The following PTRH1 variants were observed in gnomAD, a reference collection of about 807,000 sequenced individuals.
PTRH1 encodes the protein peptidyl-tRNA hydrolase 1 homolog.
In PTRH1, 13 loss-of-function variants were observed where a neutral mutation model predicts 15.7. That is an observed-to-expected ratio of 0.83 (90% CI 0.54 to 1.31). The LOEUF (loss-of-function observed/expected upper bound fraction) is 1.31. PTRH1 is among the 40% of genes most tolerant of loss of function. PTRH1 has a pLI of 0.00. For synonymous variants in PTRH1, 139 were observed against 136.7 expected (o/e 1.02, Z -0.12); for missense variants, 319 against 296.2 (o/e 1.08, Z -0.56).
At position 127,713,858 on chromosome 9, in the gene PTRH1, A is replaced by C. The variant is rs1397419461; in HGVS notation, c.*242T>G. On this transcript the variant is annotated 3_prime_UTR_variant, in exon 5 of 5. Transcript: ENST00000543175. ...GATGCGTGCCCCTGGTTCTCTAAAA[A>C]GGCTTGAAAAGTTTAGTCTTCCTGA... 1 of 1,613,842 alleles carries C rather than the reference A, an allele frequency of 6.2e-7. No individual in the cohort carries two copies. Among genetic ancestry groups the C allele is most frequent in the African/African-American group, 1.3e-5 (1 of 74,922 alleles).
downstream of PTRH1, chr9:127,713,105 C>T (rs1842806460): frequency 6.2e-7 from 1 of 1,613,434 alleles, no homozygotes; most frequent in African/African-American, 1.3e-5. Flanking sequence ...GGATCTAGGC[C>T]TGGTACCTCG....
chr9:127,712,047 C>A, downstream of PTRH1: 1 of 1,512,006 alleles, frequency 6.6e-7, no homozygotes, highest in Non-Finnish European at 8.9e-7. Context: ...CAGTGACTTC[C>A]CCTCTCTAGA....
At chr9:127,711,176 C>G (rs1588392592), downstream of PTRH1, 1 of 1,587,428 alleles carries the variant, frequency 6.3e-7, no homozygotes, top group East Asian at 2.3e-5. Context: ...GGGGTGTGCC[C>G]AGGGCTTGTG....
At position 127,695,080 on chromosome 9, in the gene PTRH1, A is replaced by ATGATGAT; in HGVS notation, c.260_266dup (p.His89GlnfsTer58). The ATGATGAT allele has an allele frequency of 2.9e-6, 2 of 700,936 alleles. No homozygotes were observed. The highest frequency in any genetic ancestry group is 5.2e-6 in the Non-Finnish European group (2 of 384,798). The allele number at this position is 700,936 out of a possible 1,614,324, so 43.4% of individuals were successfully genotyped here. A position where few individuals can be genotyped will look rare whatever the true frequency, so the allele number is the denominator to read the frequency against. On this transcript the variant is annotated frameshift_variant, in exon 2 of 3. Transcript: ENST00000335223. LOFTEE classifies it high-confidence loss of function. ...GATGATGATGATGATGATGATGATGATGATGATGATGATGGTGATGATGAT... is the reference window on the plus strand; with the variant it reads ...GATGATGATGATGATGATGATGATGATGATGATTGATGATGATGATGGTGATGATGAT...
chr9:127,701,910 G>A (rs1369746189), intron 1 of PTRH1, among the ~76,000 whole-genome samples: 2 of 148,492 alleles, frequency 1.3e-5, no homozygotes, highest in Non-Finnish European at 3.0e-5. Context: ...GTGAAACTCT[G>A]TCTCAAAAAA....
rs759710036 is a variant in PTRH1 at position 127,713,935 on chromosome 9, T to C, written c.*165A>G. 6.9e-6 allele frequency: 11 copies of C among 1,604,006 alleles called. No individual in the cohort carries two copies. The highest frequency in any genetic ancestry group is 9.4e-6 in the Non-Finnish European group (11 of 1,170,950). ...CAGAGAGAAGAACCTACTCCAGAAA[T>C]GGACTGGTCCAGTCACAGTCACCCC... On this transcript the variant is annotated 3_prime_UTR_variant, in exon 5 of 5. Coordinates refer to ENST00000543175, the MANE Select transcript of PTRH1 (RefSeq NM_001002913.3).
At position 127,715,558 on chromosome 9, in the gene PTRH1, C is replaced by T; in HGVS notation, c.82G>A (p.Gly28Arg). Residue 28 changes from glycine (G) to arginine (R), a missense_variant, in exon 1 of 5, where the codon GGG becomes AGG. Physicochemically the swap from Gly to Arg is moderately radical, Grantham distance 125. Transcript: ENST00000543175. The surrounding 1 kb of genome is among the most constrained non-coding windows in gnomAD (Gnocchi z 5.8). ...SRCVLEPRPP[G>R]KRWMVAGLGN... The stretch of plus-strand genomic sequence containing the variant: ...ACGCCACTCACCATCCACCGCTTCC[C>T]CGGGGGGCGAGGCTCCAAAACACAT... The T allele has an allele frequency of 3.1e-6, 5 of 1,613,560 alleles. No homozygotes were observed. The highest frequency in any genetic ancestry group is 3.4e-6 in the Non-Finnish European group (4 of 1,180,040).
intron 1 of PTRH1, among the ~76,000 whole-genome samples, chr9:127,708,739 A>G (rs1442148677): frequency 2.6e-5 from 4 of 152,244 alleles, no homozygotes; most frequent in African/African-American, 9.6e-5. Flanking sequence ...TTGACCACTC[A>G]GTGGGACAAG....
Position 127,713,957 on chromosome 9 carries a change from C to T in PTRH1, c.*143G>A, listed in dbSNP as rs143528313. On this transcript the variant is annotated 3_prime_UTR_variant, in exon 5 of 5. Coordinates refer to ENST00000543175, the MANE Select transcript of PTRH1 (RefSeq NM_001002913.3). ...AAATGGACTGGTCCAGTCACAGTCA[C>T]CCCCACTTTAATCCGCAGGCAGCCT... 17 of 1,585,624 alleles carry T rather than the reference C, an allele frequency of 1.1e-5. No individual in the cohort carries two copies. In the East Asian group the frequency reaches 2.7e-4, roughly 25 times the overall value.
At chr9:127,701,756 AAC>A (rs923446096) in intron 1 of PTRH1, among the ~76,000 whole-genome samples, 4 of 152,204 alleles carry the variant, frequency 2.6e-5, no homozygotes, top group Admixed American at 2.6e-4. Flanking sequence ...CTCCACTGAA[AAC>A]ACAAAATTAG....
At chr9:127,694,909 A>T in intron 2 of PTRH1, 1 of 689,908 alleles carries the variant, frequency 1.4e-6, no homozygotes, top group South Asian at 1.5e-5. Context: ...AGGAGCACAG[A>T]CTTCAGCATC....
intron 1 of PTRH1, among the ~76,000 whole-genome samples, chr9:127,704,833 C>T (rs997049167): frequency 6.6e-6 from 1 of 152,082 alleles, no homozygotes; most frequent in Non-Finnish European, 1.5e-5. Flanking sequence ...ACTGCAGCCT[C>T]GAATTCCTGG....
chr9:127,708,408 C>G (rs1393753285), intron 1 of PTRH1, among the ~76,000 whole-genome samples: 1 of 152,100 alleles, frequency 6.6e-6, no homozygotes, highest in African/African-American at 2.4e-5. Context: ...ACCTGGGAGG[C>G]AGAGGTTGCA....
At chr9:127,714,305 C>T (rs750185535) in intron 4 of PTRH1, 23 bp from the exon 5 acceptor site, 1 of 1,614,046 alleles carries the variant, frequency 6.2e-7, no homozygotes, top group Admixed American at 1.7e-5. Context: ...CAGAGAGGCC[C>T]AGGAAGCTTT....
chr9:127,715,667 C>T, upstream of PTRH1: 1 of 1,604,652 alleles, frequency 6.2e-7, no homozygotes, highest in Non-Finnish European at 8.5e-7. This position sits in a 1 kb window ranked among gnomAD's most constrained non-coding sequence, Gnocchi z 5.8. Context: ...CGACACCGCC[C>T]CCTGACGTCA....
intron 1 of PTRH1, among the ~76,000 whole-genome samples, chr9:127,703,471 AAG>A (rs774908191): frequency 7.6e-4 from 115 of 151,936 alleles, no homozygotes; most frequent in Non-Finnish European, 1.5e-3. Context: ...GAGAAAGAGA[AAG>A]AGAGAGAGGG....
chr9:127,707,722 G>T (rs745359203), intron 1 of PTRH1, among the ~76,000 whole-genome samples: 6 of 152,214 alleles, frequency 3.9e-5, no homozygotes, highest in Non-Finnish European at 7.3e-5. Flanking sequence ...GTGTGACATA[G>T]TGCTGGGGGG....
At chr9:127,704,894 G>A (rs575618616) in intron 1 of PTRH1, among the ~76,000 whole-genome samples, 3 of 151,866 alleles carry the variant, frequency 2.0e-5, no homozygotes, top group East Asian at 3.9e-4. Flanking sequence ...AACTACAGGC[G>A]GATGCCACCA....
At chr9:127,703,610 C>T (rs1842620537) in intron 1 of PTRH1, among the ~76,000 whole-genome samples, 1 of 152,176 alleles carries the variant, frequency 6.6e-6, no homozygotes, top group African/African-American at 2.4e-5. Context: ...GGCAGAGTGA[C>T]AGAGGTGTTT....
Sources: gnomAD v4.1 joint callset for allele counts (sites outside exome capture counted in the v4.1 genomes callset) on GRCh38, gnomAD v4.1.1 for gene constraint, Gnocchi (gnomAD v3.1) non-coding constraint, MANE v1.5 for transcripts, NCBI Gene and HGNC (gene_info 2026-07-23, HGNC 2026-07-21) for gene names.